Variants in FOXP2 observed in about 807,000 individuals in gnomAD.
FOXP2 encodes forkhead box protein P2.
In FOXP2, 12 loss-of-function variants were observed where a neutral mutation model predicts 115.8. The ratio of observed to expected loss-of-function variants is 0.10; its 90% CI spans 0.07 to 0.17. FOXP2 has a LOEUF of 0.17. FOXP2 is among the 10% of genes least tolerant of loss of function. The pLI, the probability that FOXP2 is intolerant of heterozygous loss-of-function variation, is 1.00. For synonymous variants in FOXP2, 328 were observed against 297.7 expected (o/e 1.10, Z -1.05); for missense variants, 629 against 843.5 (o/e 0.75, Z 3.15).
intron 2 of FOXP2, among the ~76,000 whole-genome samples, chr7:114,376,589 CT>C (rs1792142486): frequency 6.6e-6 from 1 of 152,156 alleles, no homozygotes; most frequent in Non-Finnish European, 1.5e-5. Flanking sequence ...AGAGCTAAAC[CT>C]TTCCTGAGAG....
chr7:114,246,052 A>T (rs572648932), intron 1 of FOXP2, among the ~76,000 whole-genome samples: 1 of 152,190 alleles, frequency 6.6e-6, no homozygotes, highest in African/African-American at 2.4e-5. Flanking sequence ...TTACAGTGAC[A>T]TGATGGATTT....
At chr7:114,156,344 C>G (rs1378572241) in intron 1 of FOXP2, among the ~76,000 whole-genome samples, 2 of 152,060 alleles carry the variant, frequency 1.3e-5, no homozygotes, top group African/African-American at 4.8e-5. Flanking sequence ...GACTAGCTAC[C>G]CACTGTAACA....
chr7:114,542,815 G>T (rs1799739841), intron 3 of FOXP2, among the ~76,000 whole-genome samples: 2 of 147,712 alleles, frequency 1.4e-5, no homozygotes, highest in South Asian at 4.3e-4. Context: ...TTTTGAGGCA[G>T]AATCTCACTC....
At chr7:114,378,528 C>A (rs1392833583) in intron 2 of FOXP2, among the ~76,000 whole-genome samples, 3 of 151,022 alleles carry the variant, frequency 2.0e-5, no homozygotes, top group Non-Finnish European at 4.4e-5. Flanking sequence ...TACAAAAAAT[C>A]TAAAAATTAA....
chr7:114,605,751 G>A (rs1453049665), intron 3 of FOXP2, among the ~76,000 whole-genome samples: 1 of 152,204 alleles, frequency 6.6e-6, no homozygotes, highest in East Asian at 1.9e-4. Flanking sequence ...TGGCACTGAA[G>A]CATGTTGTGG....
chr7:114,564,155 C>T (rs1800886933), intron 3 of FOXP2, among the ~76,000 whole-genome samples: 1 of 152,190 alleles, frequency 6.6e-6, no homozygotes, highest in South Asian at 2.1e-4. Flanking sequence ...CCTTGTCTCT[C>T]AGCAGCTGGC....
At position 114,193,429 on chromosome 7, in the gene FOXP2, G is replaced by A. The variant is rs553095838; in HGVS notation, c.-102+30341G>A. On this transcript the variant is annotated intron_variant, in intron 1 of 17. Coordinates refer to the FOXP2 transcript ENST00000634411. Reference sequence around the variant, plus strand: ...TAGTTGTATTCCTAGATAATTCAATGTATATTAAACTGTAATAATATATAA... The same window carrying A: ...TAGTTGTATTCCTAGATAATTCAATATATATTAAACTGTAATAATATATAA... 4.0e-5 allele frequency among the ~76,000 whole-genome samples: 6 copies of A among 151,658 alleles called. No homozygotes were observed. In the South Asian group the frequency reaches 1.2e-3, roughly 31 times the overall value.
chr7:114,499,119 G>C, intron 2 of FOXP2: 2 of 536,710 alleles, frequency 3.7e-6, no homozygotes, highest in Non-Finnish European at 6.6e-6. Context: ...GCTCAAGTTT[G>C]AGAACCACTG....
intron 1 of FOXP2, among the ~76,000 whole-genome samples, chr7:114,235,811 G>A (rs546021193): frequency 6.6e-6 from 1 of 152,206 alleles, no homozygotes; most frequent in Non-Finnish European, 1.5e-5. Flanking sequence ...AGAATAAAGG[G>A]GCCAAACAGC....
chr7:114,239,357 A>G (rs2129167292), intron 1 of FOXP2, among the ~76,000 whole-genome samples: 1 of 152,330 alleles, frequency 6.6e-6, no homozygotes, highest in East Asian at 1.9e-4. Flanking sequence ...ATCTCTACAA[A>G]TAAGTGTTAA....
intron 1 of FOXP2, among the ~76,000 whole-genome samples, chr7:114,235,591 A>G (rs1014559973): frequency 6.6e-6 from 1 of 152,192 alleles, no homozygotes; most frequent in Non-Finnish European, 1.5e-5. Context: ...TCTATTTTAT[A>G]CAACATCTTT....
intron 6 of FOXP2, among the ~76,000 whole-genome samples, chr7:114,638,642 C>G (rs1655631559): frequency 6.6e-6 from 1 of 152,096 alleles, no homozygotes; most frequent in Non-Finnish European, 1.5e-5. Context: ...AAAATGTCCC[C>G]CCAAAATTAT....
intron 1 of FOXP2, among the ~76,000 whole-genome samples, chr7:114,090,514 GC>G (rs1330343543): frequency 6.6e-6 from 1 of 151,546 alleles, no homozygotes; most frequent in East Asian, 1.9e-4. Context: ...TATTTATGTA[GC>G]CCTTAATTCA....
Position 114,536,398 on chromosome 7 carries a change from T to C in FOXP2, c.258+1692T>C, listed in dbSNP as rs1026237159. On this transcript the variant is annotated intron_variant, in intron 3 of 16. Coordinates refer to ENST00000350908, the MANE Select transcript of FOXP2 (RefSeq NM_014491.4). ...TGGCTGGGCTTTAGTTTTTCTTTTC[T>C]TTTTTTTTTTTTTTTTTTTTGTTGT... Among the ~76,000 whole-genome samples, 6 of 17,968 alleles carry C rather than the reference T, an allele frequency of 3.3e-4. No homozygotes were observed. The African/African-American group carries it at 4.3e-3, about 13-fold the overall frequency. The allele number at this position is 17,968 out of a possible 152,430, so 11.8% of individuals were successfully genotyped here.
intron 2 of FOXP2, among the ~76,000 whole-genome samples, chr7:114,487,147 T>G (rs1796825002): frequency 6.6e-6 from 1 of 152,158 alleles, no homozygotes; most frequent in Non-Finnish European, 1.5e-5. Flanking sequence ...CATCCAGAAA[T>G]TTGCGTACAT....
intron 1 of FOXP2, among the ~76,000 whole-genome samples, chr7:114,128,440 A>ATGTTTATG (rs1791780479): frequency 6.7e-6 from 1 of 150,242 alleles, no homozygotes; most frequent in Non-Finnish European, 1.5e-5. Flanking sequence ...TTTTTTTGCC[A>ATGTTTATG]AAAATGACCC....
chr7:114,659,182 C>T (rs1007253169), intron 11 of FOXP2, among the ~76,000 whole-genome samples, 174 bp from the exon 12 acceptor site: 1 of 152,188 alleles, frequency 6.6e-6, no homozygotes, highest in Non-Finnish European at 1.5e-5. Context: ...ATTTGCACTT[C>T]GCGTCAGAAA....
intron 3 of FOXP2, among the ~76,000 whole-genome samples, chr7:114,571,812 T>A (rs1801318190): frequency 1.3e-5 from 2 of 151,772 alleles, no homozygotes. Context: ...ACTTGGGCAA[T>A]TATGGATTTT....
rs1473579731 is a variant in FOXP2 at position 114,459,255 on chromosome 7, A to G, written c.168+32576A>G. On this transcript the variant is annotated intron_variant, in intron 2 of 16. Transcript: ENST00000350908. ...CTGGAAAGGAGGGGAAATAGACTCC[A>G]TCTCTTGTTGGAGGAGCAGTGTGGG... 3.3e-5 allele frequency among the ~76,000 whole-genome samples: 5 copies of G among 152,272 alleles called. No homozygotes were observed. In the South Asian group the frequency reaches 8.3e-4, roughly 25 times the overall value.
Sources: allele counts gnomAD v4.1 joint callset (sites outside exome capture counted in the v4.1 genomes callset), GRCh38; gene constraint gnomAD v4.1.1; transcripts MANE v1.5; gene names NCBI Gene and HGNC (gene_info 2026-07-23, HGNC 2026-07-21).